ARHGAP44: variants seen among roughly 807,000 people sequenced by gnomAD.
The protein encoded by ARHGAP44 is Rho GTPase activating protein 44, also known as rho GTPase-activating protein 44.
ARHGAP44 carries 43 observed loss-of-function variants against 106.8 expected under a neutral mutation model. The observed-to-expected ratio is 0.40, with a 90% CI of 0.32 to 0.52. The LOEUF (loss-of-function observed/expected upper bound fraction) is 0.52, where lower values mean the gene tolerates loss of function less well. Among genes scored for constraint, ARHGAP44 ranks in the 20% least tolerant of loss-of-function variants. ARHGAP44 has a pLI of 0.48. For synonymous variants in ARHGAP44, 439 were observed against 410.3 expected (o/e 1.07, Z -0.85); for missense variants, 866 against 1,050.5 (o/e 0.82, Z 2.43).
intron 8 of ARHGAP44, among the ~76,000 whole-genome samples, chr17:12,942,254 C>G (rs1052495155): frequency 5.3e-5 from 8 of 152,206 alleles, no homozygotes; most frequent in African/African-American, 1.9e-4. Flanking sequence ...TAAGATGATT[C>G]TCCTGCCTCA....
chr17:12,844,914 C>T (rs1033747676), intron 1 of ARHGAP44, among the ~76,000 whole-genome samples: 5 of 152,100 alleles, frequency 3.3e-5, no homozygotes, highest in South Asian at 2.1e-4. Flanking sequence ...GCAGAACTGA[C>T]GTGTACTTTT....
intron 1 of ARHGAP44, among the ~76,000 whole-genome samples, chr17:12,822,396 C>G (rs1165092352): frequency 3.9e-5 from 6 of 152,048 alleles, no homozygotes; most frequent in African/African-American, 7.3e-5. Context: ...GTTTGCTGCC[C>G]CCTGCAATGG....
intron 1 of ARHGAP44, among the ~76,000 whole-genome samples, chr17:12,805,459 A>G (rs573844812): frequency 6.6e-6 from 1 of 152,266 alleles, no homozygotes; most frequent in East Asian, 1.9e-4. Context: ...CATGCTAAAT[A>G]TGTGTCTGTT....
In ARHGAP44 at chr17:12,971,022, A is replaced by G. The variant is rs374538227; in HGVS notation, c.1524-2280A>G. ...ATATTACTGTTTGAAAATGTCAGTG[A>G]ACATTTGATGTGAATTCACAGTGGA... On this transcript the variant is annotated intron_variant, in intron 16 of 20. Transcript: ENST00000379672. 1.9e-3 allele frequency among the ~76,000 whole-genome samples: 289 copies of G among 152,312 alleles called. 6 individuals carry two copies. In the South Asian group the frequency reaches 0.034, roughly 18 times the overall value.
At chr17:12,955,746 C>G in intron 13 of ARHGAP44, 121 bp from the exon 14 acceptor site, 1 of 616,622 alleles carries the variant, frequency 1.6e-6, no homozygotes, top group Non-Finnish European at 2.9e-6. Context: ...CATTACATTG[C>G]AGGTGCACGA....
intron 1 of ARHGAP44, among the ~76,000 whole-genome samples, chr17:12,872,733 C>T (rs1228726366): frequency 2.0e-5 from 3 of 152,112 alleles, no homozygotes; most frequent in Non-Finnish European, 2.9e-5. Flanking sequence ...TTTTGTGTCT[C>T]TTCAGCTCTA....
chr17:12,922,803 TG>T (rs748775203), intron 6 of ARHGAP44, among the ~76,000 whole-genome samples: 48 of 152,296 alleles, frequency 3.2e-4, no homozygotes, highest in Non-Finnish European at 5.9e-4. Flanking sequence ...TTCGCCATGT[TG>T]GCCAGGCTGG....
At chr17:12,876,155 T>C (rs531779538) in intron 1 of ARHGAP44, among the ~76,000 whole-genome samples, 18 of 152,302 alleles carry the variant, frequency 1.2e-4, no homozygotes, top group Non-Finnish European at 1.6e-4. Flanking sequence ...CCTCTTTCCA[T>C]GTGTCCTAAG....
chr17:12,923,512 C>T (rs1199919837), intron 6 of ARHGAP44, among the ~76,000 whole-genome samples: 2 of 151,896 alleles, frequency 1.3e-5, no homozygotes, highest in South Asian at 2.1e-4. Context: ...CCACTGTGCC[C>T]GGCCGCTTTG....
intron 1 of ARHGAP44, among the ~76,000 whole-genome samples, chr17:12,882,698 AT>A (rs1381648504): frequency 6.6e-6 from 1 of 152,028 alleles, no homozygotes; most frequent in East Asian, 1.9e-4. Flanking sequence ...AGATAGTCTT[AT>A]TTTGCCCTTT....
intron 6 of ARHGAP44, among the ~76,000 whole-genome samples, chr17:12,927,467 C>T (rs1372899350): frequency 6.6e-6 from 1 of 152,186 alleles, no homozygotes. Context: ...TTTCTGTCCT[C>T]GCATCAGAGG....
At chr17:12,846,145 G>A (rs2035563957) in intron 1 of ARHGAP44, among the ~76,000 whole-genome samples, 1 of 151,392 alleles carries the variant, frequency 6.6e-6, no homozygotes, top group South Asian at 2.1e-4. Context: ...AAGTATATTC[G>A]AGGGCTTCAG....
In ARHGAP44 at chr17:12,958,848, C is replaced by G; in HGVS notation, c.1474C>G (p.Leu492Val). 6.2e-7 allele frequency: 1 copy of G among 1,612,108 alleles called. No homozygotes were observed. Among genetic ancestry groups the G allele is most frequent in the Non-Finnish European group, 8.5e-7 (1 of 1,179,104 alleles). The change falls in exon 16 of 21, where the codon CTC (leucine) becomes GTC (valine). Residue 492 changes from leucine to valine, a missense_variant. Physicochemically the swap from Leu to Val is conservative, Grantham distance 32. Transcript: ENST00000379672. The surrounding 1 kb of genome is among the most constrained non-coding windows in gnomAD (Gnocchi z 4.1). ...RRQPEQARRPLSVATDNMMLE... is the reference protein window; with the variant it reads ...RRQPEQARRPVSVATDNMMLE... ...CCAGCCCGAGCAGGCCCGCCGGCCC[C>G]TCAGCGTCGCCACGGATAATATGAT...
chr17:12,934,358 G>T (rs570269811), intron 7 of ARHGAP44, among the ~76,000 whole-genome samples: 2 of 152,290 alleles, frequency 1.3e-5, no homozygotes, highest in South Asian at 2.1e-4. Flanking sequence ...AATCTGAAGA[G>T]CACATATATT....
At chr17:12,820,101 T>A (rs1177938354) in intron 1 of ARHGAP44, among the ~76,000 whole-genome samples, 1 of 151,978 alleles carries the variant, frequency 6.6e-6, no homozygotes, top group African/African-American at 2.4e-5. Flanking sequence ...GTTAATTTCA[T>A]TTTTTTTCCA....
At chr17:12,989,007 GA>G in intron 20 of ARHGAP44, 1 of 140,932 alleles carries the variant, frequency 7.1e-6, no homozygotes, top group East Asian at 2.2e-4. Context: ...TGAGGCAGGA[GA>G]ATCGCTTGAA....
At chr17:12,945,739 C>G (rs985778259) in intron 10 of ARHGAP44, among the ~76,000 whole-genome samples, 1 of 152,168 alleles carries the variant, frequency 6.6e-6, no homozygotes, top group South Asian at 2.1e-4. Flanking sequence ...ATTTTTAACA[C>G]ATTTTATATG....
chr17:12,896,364 C>G, intron 2 of ARHGAP44, 43 bp from the exon 3 acceptor site: 1 of 1,526,158 alleles, frequency 6.6e-7, no homozygotes, highest in Non-Finnish European at 8.9e-7. Context: ...CCTCCCCTGA[C>G]CTTGCCCTCT....
intron 6 of ARHGAP44, among the ~76,000 whole-genome samples, chr17:12,920,393 A>T (rs920156736): frequency 1.1e-4 from 16 of 151,180 alleles, no homozygotes; most frequent in African/African-American, 3.9e-4. Context: ...AAAAAAAAAA[A>T]AGTAACACAG....
Sources: gnomAD v4.1 joint callset for allele counts (sites outside exome capture counted in the v4.1 genomes callset) on GRCh38, gnomAD v4.1.1 for gene constraint, Gnocchi (gnomAD v3.1) non-coding constraint, MANE v1.5 for transcripts, NCBI Gene and HGNC (gene_info 2026-07-23, HGNC 2026-07-21) for gene names.